Variants in KIAA1217 observed in about 807,000 individuals in gnomAD.
KIAA1217 encodes the protein KIAA1217, also known as sickle tail protein homolog.
In KIAA1217, 88 loss-of-function variants were observed where a neutral mutation model predicts 163.9. The ratio of observed to expected loss-of-function variants is 0.54; its 90% confidence interval spans 0.45 to 0.64. The LOEUF (loss-of-function observed/expected upper bound fraction) is 0.64. KIAA1217 is among the 30% of genes least tolerant of loss of function. The probability of loss-of-function intolerance (pLI) is 0.00; values close to 1 mark genes in which losing one functional copy is unlikely to be tolerated. For missense variants in KIAA1217, 2,372 were observed against 2,475.0 expected, an observed-to-expected ratio of 0.96 and a Z score of 0.88; for synonymous variants, 903 against 923.1, an observed-to-expected ratio of 0.98 and a Z score of 0.39.
intron 5 of KIAA1217, among the ~76,000 whole-genome samples, chr10:24,461,173 A>G (rs1564721435): frequency 6.6e-6 from 1 of 152,152 alleles, no homozygotes; most frequent in African/African-American, 2.4e-5. Context: ...ATCAACATCA[A>G]TTCATTGTTT....
At chr10:24,467,812 GTA>G (rs1254002264) in intron 5 of KIAA1217, among the ~76,000 whole-genome samples, 3 of 128,422 alleles carry the variant, frequency 2.3e-5, no homozygotes, top group African/African-American at 6.3e-5. Context: ...ATGTGTGTGT[GTA>G]TGTGTGTGTG....
chr10:23,960,230 C>T (rs191623912), intron 1 of KIAA1217, among the ~76,000 whole-genome samples: 2 of 150,392 alleles, frequency 1.3e-5, no homozygotes, highest in African/African-American at 4.9e-5. Context: ...TCTTTTATAG[C>T]TTCCTGCAGG....
chr10:24,539,765 A>T (rs2074725736), intron 17 of KIAA1217, among the ~76,000 whole-genome samples: 1 of 152,112 alleles, frequency 6.6e-6, no homozygotes, highest in South Asian at 2.1e-4. Context: ...GGTCCTTATT[A>T]ACCTCTTCCA....
chr10:23,721,888 A>G (rs771480145), intron 1 of KIAA1217, among the ~76,000 whole-genome samples: 2 of 152,144 alleles, frequency 1.3e-5, no homozygotes, highest in African/African-American at 4.8e-5. Flanking sequence ...TCTTGTGCCT[A>G]CTAGATTTCC....
chr10:24,107,155 G>A lies in KIAA1217; in HGVS notation c.-171+99781G>A, dbSNP rs757572675. Among the ~76,000 whole-genome samples, 91 of 152,314 alleles carry A rather than the reference G, an allele frequency of 6.0e-4. 1 individual carries two copies. The highest frequency in any genetic ancestry group is 2.0e-3 in the African/African-American group (85 of 41,570). ...GCAGTATTTGGTTTTCTGTTGCTGCGTTAATTCACTTAGGATAATGGCCTC... is the reference window on the plus strand; with the variant it reads ...GCAGTATTTGGTTTTCTGTTGCTGCATTAATTCACTTAGGATAATGGCCTC... On this transcript the variant is annotated intron_variant, in intron 2 of 18. Transcript: ENST00000376462.
chr10:23,975,994 T>C (rs915383920), intron 1 of KIAA1217, among the ~76,000 whole-genome samples: 3 of 152,196 alleles, frequency 2.0e-5, no homozygotes, highest in African/African-American at 7.2e-5. Context: ...TTGTTAGCAC[T>C]CCTTGCCTGT....
chr10:23,744,166 G>A (rs901576553), intron 1 of KIAA1217, among the ~76,000 whole-genome samples: 2 of 152,166 alleles, frequency 1.3e-5, no homozygotes, highest in Non-Finnish European at 2.9e-5. Flanking sequence ...TTAAAGATAG[G>A]GGATGGCCTT....
chr10:23,732,241 A>G (rs1050330808), intron 1 of KIAA1217, among the ~76,000 whole-genome samples: 3 of 152,108 alleles, frequency 2.0e-5, no homozygotes, highest in Non-Finnish European at 4.4e-5. Context: ...TGGGAGATTA[A>G]TAAATATTGA....
At chr10:24,387,250 T>A (rs1403080219) in intron 3 of KIAA1217, among the ~76,000 whole-genome samples, 7 of 152,268 alleles carry the variant, frequency 4.6e-5, no homozygotes, top group Non-Finnish European at 8.8e-5. Context: ...CTGGTTCAAC[T>A]TACGCAAATC....
chr10:23,967,433 G>T (rs1207267904), intron 1 of KIAA1217, among the ~76,000 whole-genome samples: 2 of 152,096 alleles, frequency 1.3e-5, no homozygotes, highest in South Asian at 2.1e-4. Context: ...ATTTCTTCAG[G>T]TTTATTTTTA....
At chr10:24,002,797 C>T (rs1846812071) in intron 1 of KIAA1217, among the ~76,000 whole-genome samples, 1 of 152,068 alleles carries the variant, frequency 6.6e-6, no homozygotes, top group Admixed American at 6.6e-5. Context: ...TCATCCCTCA[C>T]CCCCCTCACA....
chr10:23,843,262 GT>G (rs1321445525), intron 1 of KIAA1217, among the ~76,000 whole-genome samples: 1 of 152,142 alleles, frequency 6.6e-6, no homozygotes, highest in Non-Finnish European at 1.5e-5. Context: ...AAGTAAAACA[GT>G]AATATCTTAA....
chr10:23,777,459 G>A (rs1184383163), intron 1 of KIAA1217, among the ~76,000 whole-genome samples: 2 of 152,220 alleles, frequency 1.3e-5, no homozygotes, highest in African/African-American at 2.4e-5. Flanking sequence ...AAGGGGTCTT[G>A]CCTGGAACCC....
rs748185015 is a variant in KIAA1217, at chr10:24,473,837, A to G, written c.1456A>G (p.Met486Val). 7.4e-6 allele frequency: 12 copies of G among 1,614,078 alleles called. No individual in the cohort carries two copies. Among genetic ancestry groups the G allele is most frequent in the Non-Finnish European group, 1.0e-5 (12 of 1,179,998 alleles). Residue 486 changes from methionine to valine, a missense_variant, in exon 6 of 21, where the codon ATG (methionine) becomes GTG (valine). Physicochemically the swap from Met to Val is conservative, Grantham distance 21 (BLOSUM62 1). Coordinates refer to ENST00000376454, the MANE Select transcript of KIAA1217 (RefSeq NM_019590.5). ...AGTCAGTGACCTGAGGATGATAGAC[A>G]TGCACGCTCACTATAATGCCCACGG... ...HRVSDLRMID[M>V]HAHYNAHGPP...
intron 5 of KIAA1217, among the ~76,000 whole-genome samples, chr10:24,451,965 C>G (rs1342411796): frequency 1.3e-5 from 2 of 152,114 alleles, no homozygotes; most frequent in African/African-American, 4.8e-5. Flanking sequence ...CCTAGGCGCC[C>G]CGAGTCCCAG....
intron 1 of KIAA1217, among the ~76,000 whole-genome samples, chr10:23,981,627 C>A (rs984674419): frequency 6.6e-6 from 1 of 152,078 alleles, no homozygotes; most frequent in African/African-American, 2.4e-5. Context: ...AACAAAGGAG[C>A]TTGTTATTCA....
At chr10:24,474,256 C>T (rs767572113) in intron 6 of KIAA1217, among the ~76,000 whole-genome samples, 196 bp downstream of exon 6, 73 of 152,148 alleles carry the variant, frequency 4.8e-4, no homozygotes, top group Admixed American at 1.3e-3. Flanking sequence ...GCAGGGGTTA[C>T]AGTCATTAAG....
chr10:24,335,400 C>A (rs1325979042), intron 2 of KIAA1217, among the ~76,000 whole-genome samples: 1 of 150,442 alleles, frequency 6.6e-6, no homozygotes, highest in Non-Finnish European at 1.5e-5. Flanking sequence ...TCAAGCAGTT[C>A]TCCTGCCTTA....
rs751353290 is a variant in KIAA1217 at position 23,901,932 on chromosome 10, GAAGA to G, written c.-320-105282_-320-105279del. ...CTATCTCAAAAAAAAAAAAAAAAAGGAAGAAAGAAAGAAAAGAAATATTTAAAAC... is the reference window on the plus strand; with the variant it reads ...CTATCTCAAAAAAAAAAAAAAAAAGGAAGAAAGAAAAGAAATATTTAAAAC... On this transcript the variant is annotated intron_variant, in intron 1 of 18. Transcript: ENST00000376462. Among the ~76,000 whole-genome samples the G allele has an allele frequency of 9.3e-3, 1,337 of 143,808 alleles. 11 individuals are homozygous for G. The highest frequency in any genetic ancestry group is 0.016 in the Non-Finnish European group (1,039 of 66,432). The allele number at this position is 143,808 out of a possible 152,430, so 94.3% of individuals were successfully genotyped here.
Sources: allele counts gnomAD v4.1 joint callset (sites outside exome capture counted in the v4.1 genomes callset), GRCh38; gene constraint gnomAD v4.1.1; transcripts MANE v1.5; gene names NCBI Gene and HGNC (gene_info 2026-07-23, HGNC 2026-07-21).